GDI2: variants seen among roughly 807,000 people sequenced by gnomAD.
GDI2 encodes rab GDP dissociation inhibitor beta.
Under a neutral mutation model 54.2 loss-of-function variants are expected in GDI2, and 22 were observed. That is an observed-to-expected ratio of 0.41 (90% CI 0.29 to 0.58). GDI2 has a LOEUF of 0.58. Among genes scored for constraint, GDI2 ranks in the 20% least tolerant of loss-of-function variants. The pLI is 0.35. For synonymous variants in GDI2, 177 were observed against 182.1 expected (o/e 0.97, Z 0.23); for missense variants, 422 against 546.0 (o/e 0.77, Z 2.26).
intron 1 of GDI2, among the ~76,000 whole-genome samples, chr10:5,812,331 C>A (rs1841494404): frequency 6.6e-6 from 1 of 152,128 alleles, no homozygotes; most frequent in Non-Finnish European, 1.5e-5. Context: ...ATTAGGTACA[C>A]CTTGCATTCA....
chr10:5,776,482 C>T lies in GDI2; in HGVS notation c.720-2541G>A. On this transcript the variant is annotated intron_variant, in intron 6 of 10. Transcript: ENST00000380191. The surrounding 1 kb of genome is among the most constrained non-coding windows in gnomAD (Gnocchi z 5.3). ...TAGCAAAAGAGTGAGCCAGCAGAGC[C>T]ATGTATTAGAAGCAAAGGCCCGAAA... 9.6e-7 allele frequency: 1 copy of T among 1,037,294 alleles called. No homozygotes were observed. Among genetic ancestry groups the T allele is most frequent in the Non-Finnish European group, 1.5e-6 (1 of 657,988 alleles). 64.3% of individuals were successfully genotyped at this position (1,037,294 alleles called of 1,614,324 possible).
Position 5,768,724 on chromosome 10 carries a change from G to A in GDI2, c.820-340C>T, listed in dbSNP as rs764398117. The A allele has an allele frequency of 2.7e-5, 5 of 184,488 alleles. No individual in the cohort carries two copies. Among genetic ancestry groups the A allele is most frequent in the Admixed American group, 5.9e-5 (1 of 16,914 alleles). The allele number at this position is 184,488 out of a possible 1,614,324, so 11.4% of individuals were successfully genotyped here. On this transcript the variant is annotated intron_variant, in intron 7 of 10. Transcript: ENST00000380191. This position sits in a 1 kb window ranked among gnomAD's most constrained non-coding sequence, Gnocchi z 4.4. ...GACAAAGTTGCAAAGACCATTCAAT[G>A]AGGGGAAAAAAAGTCATTTCAACAA...
intron 1 of GDI2, among the ~76,000 whole-genome samples, chr10:5,802,416 T>C (rs1415315245): frequency 6.6e-6 from 1 of 152,012 alleles, no homozygotes; most frequent in Non-Finnish European, 1.5e-5. Context: ...CTGGCCAACA[T>C]GGTGAAACCC....
chr10:5,802,665 C>T (rs6602259), intron 1 of GDI2, among the ~76,000 whole-genome samples: 79,736 of 151,670 alleles, frequency 0.53, 21,503 homozygotes, highest in Middle Eastern at 0.64. Context: ...TTCCCCAATA[C>T]ATGAAGAACT....
intron 5 of GDI2, among the ~76,000 whole-genome samples, 199 bp downstream of exon 5, chr10:5,785,653 G>A (rs769270353): frequency 6.6e-6 from 1 of 152,166 alleles, no homozygotes; most frequent in Non-Finnish European, 1.5e-5. Flanking sequence ...TGGGATCACA[G>A]GCGTGAGCCA....
intron 1 of GDI2, 24 bp downstream of exon 1, chr10:5,813,190 C>A: frequency 1.3e-6 from 2 of 1,508,850 alleles, no homozygotes; most frequent in Non-Finnish European, 1.8e-6. Context: ...TGCTCAGCCC[C>A]GGCCCCTCAG....
intron 4 of GDI2, among the ~76,000 whole-genome samples, chr10:5,793,243 C>A (rs566157534): frequency 6.6e-6 from 1 of 152,258 alleles, no homozygotes; most frequent in African/African-American, 2.4e-5. Context: ...AATCCTCCTA[C>A]CACGGCTTCC....
chr10:5,786,125 T>TTAAA (rs1840869993), intron 4 of GDI2, 75 bp from the exon 5 acceptor site: 1 of 893,668 alleles, frequency 1.1e-6, no homozygotes, highest in Non-Finnish European at 1.8e-6. Context: ...AGAGCAAAGT[T>TTAAA]TAAACATGCC....
chr10:5,771,385 G>A (rs1027280730), intron 7 of GDI2, among the ~76,000 whole-genome samples: 2 of 152,278 alleles, frequency 1.3e-5, no homozygotes, highest in Non-Finnish European at 2.9e-5. Flanking sequence ...TGAATGCAAG[G>A]ACATTTTTGC....
At chr10:5,811,894 A>T (rs1316851003) in intron 1 of GDI2, 7 of 1,140,722 alleles carry the variant, frequency 6.1e-6, no homozygotes, top group Non-Finnish European at 8.2e-6. Context: ...AAATTAGCCA[A>T]ATAAAAGTTC....
intron 1 of GDI2, among the ~76,000 whole-genome samples, chr10:5,812,597 G>A (rs1841499512): frequency 6.6e-6 from 1 of 152,176 alleles, no homozygotes; most frequent in South Asian, 2.1e-4. Context: ...GAGAAGGGAG[G>A]GTGGCTAAAA....
intron 6 of GDI2, among the ~76,000 whole-genome samples, chr10:5,781,820 C>A (rs1840763379): frequency 6.6e-6 from 1 of 151,892 alleles, no homozygotes; most frequent in Non-Finnish European, 1.5e-5. Context: ...TAGAGACCAG[C>A]CTGTTCAATA....
intron 8 of GDI2, among the ~76,000 whole-genome samples, chr10:5,767,318 G>T (rs988132414): frequency 5.3e-5 from 8 of 150,808 alleles, no homozygotes; most frequent in East Asian, 1.9e-4. Context: ...TTTGTGATTG[G>T]TTTTTTTTTG....
intron 6 of GDI2, among the ~76,000 whole-genome samples, chr10:5,784,336 C>T (rs1265894945): frequency 6.6e-6 from 1 of 152,144 alleles, no homozygotes; most frequent in African/African-American, 2.4e-5. Flanking sequence ...TCCTGTATCA[C>T]TTTTTTTGTT....
intron 6 of GDI2, among the ~76,000 whole-genome samples, chr10:5,778,594 TA>T (rs1185342329): frequency 6.6e-6 from 1 of 152,208 alleles, no homozygotes. Flanking sequence ...TATGCTTTTT[TA>T]AACAAATTAC....
chr10:5,782,728 G>C (rs1840787494), intron 6 of GDI2, among the ~76,000 whole-genome samples: 1 of 152,226 alleles, frequency 6.6e-6, no homozygotes, highest in Non-Finnish European at 1.5e-5. Context: ...GAGGTCAGGA[G>C]TTCAAGACCA....
At chr10:5,775,262 CG>C (rs34360785) in intron 6 of GDI2, among the ~76,000 whole-genome samples, 3,612 of 152,132 alleles carry the variant, frequency 0.024, 111 homozygotes, top group East Asian at 0.14. Flanking sequence ...CACTCCAGCC[CG>C]GGTAACAAAG....
chr10:5,801,159 G>C (rs1841262585), intron 1 of GDI2, among the ~76,000 whole-genome samples: 1 of 151,838 alleles, frequency 6.6e-6, no homozygotes, highest in Non-Finnish European at 1.5e-5. Context: ...CACCATGTTG[G>C]CCAGGCTGGT....
rs59686031 is a variant in GDI2, at chr10:5,770,963, C to CAAA, written c.820-2582_820-2580dup. On this transcript the variant is annotated intron_variant, in intron 7 of 10. Coordinates refer to ENST00000380191, the MANE Select transcript of GDI2 (RefSeq NM_001494.4). ...CCTGGGCAACAAAGTGAGACTGTCT[C>CAAA]AAAAAAAAAAAAAAAAAAAAAAAAG... Among the ~76,000 whole-genome samples, 397 of 45,638 alleles carry CAAA rather than the reference C, an allele frequency of 8.7e-3. 7 individuals carry two copies. Among genetic ancestry groups the CAAA allele is most frequent in the African/African-American group, 0.014 (162 of 11,192 alleles). The allele number at this position is 45,638 out of a possible 152,430, so 29.9% of individuals were successfully genotyped here. A position where few individuals can be genotyped will look rare whatever the true frequency, so the allele number is the denominator to read the frequency against.
Sources: gnomAD v4.1 joint callset for allele counts (sites outside exome capture counted in the v4.1 genomes callset) on GRCh38, gnomAD v4.1.1 for gene constraint, Gnocchi (gnomAD v3.1) non-coding constraint, MANE v1.5 for transcripts, NCBI Gene and HGNC (gene_info 2026-07-23, HGNC 2026-07-21) for gene names.